DNM3: variants seen among roughly 807,000 people sequenced by gnomAD.
The protein encoded by DNM3 is dynamin-3.
A neutral mutation model predicts 101.6 loss-of-function variants in DNM3; 47 were observed. The observed-to-expected ratio is 0.46, with a 90% CI of 0.37 to 0.59. The LOEUF (loss-of-function observed/expected upper bound fraction) is 0.59, where lower values mean the gene tolerates loss of function less well. DNM3 is among the 20% of genes least tolerant of loss of function. The pLI is 0.00. For missense variants in DNM3, 849 were observed against 1,085.7 expected (o/e 0.78, Z 3.06); for synonymous variants, 385 against 387.9 (o/e 0.99, Z 0.09).
chr1:172,315,075 C>T (rs1372145311), intron 16 of DNM3, among the ~76,000 whole-genome samples: 11 of 152,170 alleles, frequency 7.2e-5, no homozygotes, highest in Middle Eastern at 3.2e-3. Context: ...GCAGCATTCG[C>T]GGTTCATGAA....
chr1:172,308,151 A>T (rs2064924385), intron 15 of DNM3, among the ~76,000 whole-genome samples: 1 of 152,218 alleles, frequency 6.6e-6, no homozygotes. Flanking sequence ...ATTGCATTTT[A>T]TGTAATATCA....
At position 172,314,584 on chromosome 1, in the gene DNM3, A is replaced by G. The variant is rs544260379; in HGVS notation, c.1881+5745A>G. On this transcript the variant is annotated intron_variant, in intron 16 of 20. Transcript: ENST00000627582. ...TAGGAAACGGTGCACCAGGAGAATTATATCCCGCACCTGGCTCAGAGGGTC... is the reference window on the plus strand; with the variant it reads ...TAGGAAACGGTGCACCAGGAGAATTGTATCCCGCACCTGGCTCAGAGGGTC... Among the ~76,000 whole-genome samples the G allele has an allele frequency of 2.6e-5, 4 of 152,330 alleles. No homozygotes were observed. The East Asian group carries it at 7.7e-4, about 29-fold the overall frequency.
At chr1:172,332,997 C>T (rs2066255723) in intron 17 of DNM3, among the ~76,000 whole-genome samples, 3 of 151,936 alleles carry the variant, frequency 2.0e-5, no homozygotes, top group Admixed American at 2.0e-4. Context: ...AGTGCAGAAA[C>T]CAAAAATAGA....
chr1:172,021,080 T>G (rs1225780773), intron 4 of DNM3, among the ~76,000 whole-genome samples: 1 of 152,212 alleles, frequency 6.6e-6, no homozygotes, highest in East Asian at 1.9e-4. Flanking sequence ...AAGGGTTGGT[T>G]TTTCAGTTTG....
intron 20 of DNM3, 140 bp downstream of exon 20, chr1:172,388,949 T>C (rs1026535500): frequency 5.3e-5 from 40 of 750,624 alleles, no homozygotes; most frequent in Admixed American, 2.3e-4. Flanking sequence ...ACAGAGACTA[T>C]AGGAAAATTG....
intron 13 of DNM3, among the ~76,000 whole-genome samples, chr1:172,098,991 A>G (rs2147864125): frequency 6.6e-6 from 1 of 152,312 alleles, no homozygotes. Context: ...GGCCTTGTAA[A>G]TTGCTCTTCT....
chr1:171,895,168 G>C (rs1053153674), intron 1 of DNM3, among the ~76,000 whole-genome samples: 2 of 152,164 alleles, frequency 1.3e-5, no homozygotes, highest in African/African-American at 4.8e-5. Context: ...TGGGATCACT[G>C]GGTGAAATGG....
chr1:171,875,427 TG>T (rs2035672443), intron 1 of DNM3, among the ~76,000 whole-genome samples: 1 of 152,276 alleles, frequency 6.6e-6, no homozygotes, highest in African/African-American at 2.4e-5. Flanking sequence ...CTCATTGTGC[TG>T]TTGTACCTTT....
intron 13 of DNM3, among the ~76,000 whole-genome samples, chr1:172,111,893 C>T (rs2055512166): frequency 6.6e-6 from 1 of 151,728 alleles, no homozygotes; most frequent in Non-Finnish European, 1.5e-5. Context: ...TCATTGACTA[C>T]AAAGGTGTCA....
At chr1:172,283,644 C>A (rs1046487799) in intron 15 of DNM3, among the ~76,000 whole-genome samples, 4 of 151,120 alleles carry the variant, frequency 2.6e-5, no homozygotes, top group Non-Finnish European at 5.9e-5. Context: ...CTTGTAGTCC[C>A]AGCTACCCGG....
intron 15 of DNM3, among the ~76,000 whole-genome samples, chr1:172,291,282 ACG>A (rs60586591): frequency 0.18 from 27,356 of 152,116 alleles, 2,646 homozygotes; most frequent in East Asian, 0.24. Flanking sequence ...GCGTGTGTAC[ACG>A]TGTGCACGCC....
chr1:172,342,516 CA>C (rs1267330784), intron 17 of DNM3, among the ~76,000 whole-genome samples: 16 of 152,010 alleles, frequency 1.1e-4, no homozygotes, highest in African/African-American at 3.9e-4. Context: ...AACAGAAAAC[CA>C]AATATTACAT....
intron 1 of DNM3, among the ~76,000 whole-genome samples, chr1:171,863,083 G>A (rs1022608649): frequency 6.6e-6 from 1 of 150,868 alleles, no homozygotes; most frequent in African/African-American, 2.4e-5. Flanking sequence ...AACATTCAAA[G>A]GGGATGCTTT....
Position 172,408,699 on chromosome 1 carries a change from C to A in DNM3, c.*858C>A, listed in dbSNP as rs2071052419. 1.4e-5 allele frequency: 14 copies of A among 984,496 alleles called. No individual in the cohort carries two copies. In the South Asian group the frequency reaches 6.6e-4, roughly 46 times the overall value. The allele number at this position is 984,496 out of a possible 1,614,324, so 61.0% of individuals were successfully genotyped here. ...ATGTTTACTTTTCTATTTGGCATAG[C>A]TAACTACACTTTGATACTAACTCCA... On this transcript the variant is annotated 3_prime_UTR_variant, in exon 21 of 21. Coordinates refer to ENST00000627582, the MANE Select transcript of DNM3 (RefSeq NM_015569.5).
chr1:172,412,910 C>G (rs111404618), downstream of DNM3, among the ~76,000 whole-genome samples: 576 of 152,200 alleles, frequency 3.8e-3, 3 homozygotes, highest in African/African-American at 0.013. Flanking sequence ...TTGGATAAAT[C>G]AAAGGCAGGA....
Position 172,190,176 on chromosome 1 carries a change from C to T in DNM3, c.1659+58888C>T, listed in dbSNP as rs189537729. ...CCCTCCCTTTTCCCTGCACCCCCAC[C>T]GGCAGGCCCCAGTGTGTGATGTTCC... On this transcript the variant is annotated intron_variant, in intron 14 of 20. Transcript: ENST00000627582. Among the ~76,000 whole-genome samples, 41 of 152,060 alleles carry T rather than the reference C, an allele frequency of 2.7e-4. No homozygotes were observed. The East Asian group carries it at 5.6e-3, about 21-fold the overall frequency.
chr1:171,990,873 A>C (rs72713739), intron 4 of DNM3, among the ~76,000 whole-genome samples: 3,558 of 152,028 alleles, frequency 0.023, 49 homozygotes, highest in Middle Eastern at 0.038. Context: ...CATCACCAGG[A>C]CTCCCTTTAC....
chr1:171,841,633 C>T lies in DNM3; in HGVS notation c.-24C>T, dbSNP rs758705392. 6.3e-7 allele frequency: 1 copy of T among 1,599,922 alleles called. No homozygotes were observed. ...GGTCGTAGAGGCGAGCAGGGACCAG[C>T]TGGTCGCCGGCCCCTCGGGCAAGAT... On this transcript the variant is annotated 5_prime_UTR_variant, in exon 1 of 21. Transcript: ENST00000627582.
At chr1:172,415,528 T>TC (rs2071396561), downstream of DNM3, among the ~76,000 whole-genome samples, 1 of 106,844 alleles carries the variant, frequency 9.4e-6, no homozygotes, top group Non-Finnish European at 2.1e-5. Context: ...TTGTGAGTTT[T>TC]TTTTTTTTTT....
Sources: gnomAD v4.1 joint callset for allele counts (sites outside exome capture counted in the v4.1 genomes callset) on GRCh38, gnomAD v4.1.1 for gene constraint, MANE v1.5 for transcripts, NCBI Gene and HGNC (gene_info 2026-07-23, HGNC 2026-07-21) for gene names.